CADPS2: variants seen among roughly 807,000 people sequenced by gnomAD.
The protein encoded by CADPS2 is calcium dependent secretion activator 2.
A neutral mutation model predicts 172.5 loss-of-function variants in CADPS2; 93 were observed. The observed-to-expected ratio is 0.54, with a 90% confidence interval of 0.46 to 0.64. CADPS2 has a LOEUF of 0.64. Among genes scored for constraint, CADPS2 ranks in the 30% least tolerant of loss-of-function variants. CADPS2 has a pLI of 0.00. For synonymous variants in CADPS2, 546 were observed against 555.2 expected, an observed-to-expected ratio of 0.98 and a Z score of 0.23; for missense variants, 1,420 against 1,565.9, an observed-to-expected ratio of 0.91 and a Z score of 1.57.
At chr7:122,679,463 C>T (rs1025464462) in intron 2 of CADPS2, among the ~76,000 whole-genome samples, 2 of 152,146 alleles carry the variant, frequency 1.3e-5, no homozygotes, top group African/African-American at 4.8e-5. Flanking sequence ...AATGTGTGCA[C>T]AGCAGGACGT....
chr7:122,433,803 CTG>C (rs892315938), intron 17 of CADPS2, among the ~76,000 whole-genome samples: 18 of 152,208 alleles, frequency 1.2e-4, no homozygotes. Flanking sequence ...TGCTAAGTCA[CTG>C]TGAGGAGAAG....
intron 14 of CADPS2, among the ~76,000 whole-genome samples, chr7:122,458,460 C>T (rs2054051773): frequency 6.6e-6 from 1 of 151,948 alleles, no homozygotes; most frequent in South Asian, 2.1e-4. Flanking sequence ...TTTAAATATC[C>T]AGAAGAAATT....
chr7:122,462,343 A>C (rs2054556033), intron 14 of CADPS2, among the ~76,000 whole-genome samples: 1 of 150,740 alleles, frequency 6.6e-6, no homozygotes, highest in Non-Finnish European at 1.5e-5. Flanking sequence ...CTCAAATGTA[A>C]TTGTTGGAAA....
At chr7:122,337,876 G>C (rs546923281) in intron 28 of CADPS2, among the ~76,000 whole-genome samples, 1 of 151,996 alleles carries the variant, frequency 6.6e-6, no homozygotes, top group African/African-American at 2.4e-5. Flanking sequence ...ACTTCAGTGT[G>C]AGTCCAAATA....
intron 1 of CADPS2, among the ~76,000 whole-genome samples, chr7:122,836,895 C>T (rs1194343521): frequency 6.6e-6 from 1 of 152,056 alleles, no homozygotes; most frequent in Non-Finnish European, 1.5e-5. Context: ...CAAGGATATC[C>T]AGGAATTGAA....
intron 17 of CADPS2, among the ~76,000 whole-genome samples, chr7:122,427,900 T>G (rs1005354117): frequency 7.2e-5 from 11 of 152,216 alleles, no homozygotes; most frequent in Non-Finnish European, 1.0e-4. Context: ...CCCTCCTAGG[T>G]CATGGAATAG....
chr7:122,684,779 A>T (rs2083448289), intron 2 of CADPS2, among the ~76,000 whole-genome samples: 1 of 152,180 alleles, frequency 6.6e-6, no homozygotes, highest in African/African-American at 2.4e-5. Context: ...CCAGAGAATG[A>T]GTTGCTACCC....
chr7:122,731,740 C>G (rs573773352), intron 2 of CADPS2, among the ~76,000 whole-genome samples: 2 of 151,538 alleles, frequency 1.3e-5, no homozygotes, highest in South Asian at 4.2e-4. Context: ...AATTAGGAAC[C>G]GCAAAATTAT....
At chr7:122,638,968 A>G (rs1316006915) in intron 3 of CADPS2, among the ~76,000 whole-genome samples, 2 of 152,072 alleles carry the variant, frequency 1.3e-5, no homozygotes, top group Non-Finnish European at 2.9e-5. Flanking sequence ...GCCACCTTGA[A>G]CCCTAAGTCC....
At chr7:122,404,142 C>A (rs1304436590) in intron 20 of CADPS2, among the ~76,000 whole-genome samples, 4 of 152,170 alleles carry the variant, frequency 2.6e-5, no homozygotes, top group Non-Finnish European at 2.9e-5. Flanking sequence ...TCCCTCCCCC[C>A]TCTCCCCACC....
chr7:122,584,793 CTA>C (rs566647328), intron 6 of CADPS2, among the ~76,000 whole-genome samples: 43 of 151,988 alleles, frequency 2.8e-4, no homozygotes, highest in African/African-American at 9.2e-4. Context: ...GAATTTCTCT[CTA>C]TATATATCTT....
At chr7:122,799,395 C>G (rs1797073402) in intron 1 of CADPS2, among the ~76,000 whole-genome samples, 2 of 151,752 alleles carry the variant, frequency 1.3e-5, no homozygotes, top group Admixed American at 1.3e-4. Flanking sequence ...GTCAGGAGAT[C>G]GAGACCATCC....
intron 3 of CADPS2, among the ~76,000 whole-genome samples, chr7:122,642,329 A>G (rs1292938514): frequency 1.3e-5 from 2 of 151,280 alleles, no homozygotes; most frequent in Admixed American, 1.3e-4. Flanking sequence ...ACAGTCTATT[A>G]GTCTTGCCTT....
chr7:122,579,409 TA>T (rs2132790720), intron 7 of CADPS2, among the ~76,000 whole-genome samples: 1 of 147,276 alleles, frequency 6.8e-6, no homozygotes, highest in South Asian at 2.2e-4. Context: ...ATGAAGAGAG[TA>T]AGGGAGCATA....
chr7:122,851,618 T>C (rs1390133221), intron 1 of CADPS2, among the ~76,000 whole-genome samples: 2 of 152,166 alleles, frequency 1.3e-5, no homozygotes, highest in African/African-American at 4.8e-5. Flanking sequence ...GAACTCACAG[T>C]TCCATGTGGC....
chr7:122,596,535 T>C (rs2071817164), intron 6 of CADPS2, among the ~76,000 whole-genome samples: 1 of 152,104 alleles, frequency 6.6e-6, no homozygotes, highest in African/African-American at 2.4e-5. Context: ...AGGAAAAGCG[T>C]GAAATGTAAA....
intron 4 of CADPS2, among the ~76,000 whole-genome samples, chr7:122,625,660 A>G (rs1235528270): frequency 6.6e-6 from 1 of 151,806 alleles, no homozygotes; most frequent in Admixed American, 6.6e-5. Flanking sequence ...TGTAACATCA[A>G]CCCTCACCTG....
chr7:122,469,449 C>T (rs751512337), intron 14 of CADPS2, among the ~76,000 whole-genome samples: 8 of 152,052 alleles, frequency 5.3e-5, no homozygotes, highest in African/African-American at 9.7e-5. Flanking sequence ...AGTCAGGAGA[C>T]GAGACAGTTT....
At chr7:122,743,599 G>A (rs1409478639) in intron 1 of CADPS2, among the ~76,000 whole-genome samples, 2 of 152,174 alleles carry the variant, frequency 1.3e-5, no homozygotes, top group African/African-American at 4.8e-5. Context: ...TGGGGCATGG[G>A]TGTGCATTTA....
Sources: allele counts gnomAD v4.1 joint callset (sites outside exome capture counted in the v4.1 genomes callset), GRCh38; gene constraint gnomAD v4.1.1; transcripts MANE v1.5; gene names NCBI Gene and HGNC (gene_info 2026-07-23, HGNC 2026-07-21).